The following SGTB variants were observed in gnomAD, a reference collection of about 807,000 sequenced individuals.
SGTB encodes the protein small glutamine rich tetratricopeptide repeat co-chaperone beta.
A neutral mutation model predicts 43.9 loss-of-function variants in SGTB; 19 were observed. The observed-to-expected ratio is 0.43, with a 90% CI of 0.30 to 0.63. The LOEUF is 0.63. Ranked by LOEUF, SGTB falls within the 30% of genes least tolerant of loss-of-function variation. SGTB has a pLI of 0.12. For synonymous variants in SGTB, 116 were observed against 117.3 expected (o/e 0.99, Z 0.07); for missense variants, 304 against 358.9 (o/e 0.85, Z 1.24).
chr5:65,686,265 C>A (rs921710483), intron 5 of SGTB, among the ~76,000 whole-genome samples: 6 of 152,196 alleles, frequency 3.9e-5, no homozygotes, highest in Admixed American at 2.6e-4. Context: ...GAATGCTATG[C>A]TGCACAGCAC....
At chr5:65,699,326 C>G (rs1330820390) in intron 5 of SGTB, among the ~76,000 whole-genome samples, 1 of 152,164 alleles carries the variant, frequency 6.6e-6, no homozygotes, top group Non-Finnish European at 1.5e-5. Context: ...TAAGTAGGAG[C>G]TAAGCTATTG....
intron 5 of SGTB, among the ~76,000 whole-genome samples, chr5:65,687,693 CAG>C (rs753315419): frequency 1.1e-4 from 16 of 152,230 alleles, no homozygotes; most frequent in Non-Finnish European, 2.2e-4. Flanking sequence ...GAGAACAGTT[CAG>C]AGAGAGAAGT....
intron 5 of SGTB, among the ~76,000 whole-genome samples, chr5:65,693,491 A>T (rs1757658520): frequency 6.6e-6 from 1 of 152,184 alleles, no homozygotes; most frequent in Admixed American, 6.5e-5. Context: ...TTCTGTGATG[A>T]ACATACATAT....
At chr5:65,681,239 A>G (rs193115353) in intron 6 of SGTB, among the ~76,000 whole-genome samples, 28 of 152,268 alleles carry the variant, frequency 1.8e-4, no homozygotes, top group African/African-American at 6.3e-4. Flanking sequence ...CTAACAGAGG[A>G]ACAATTAATA....
At chr5:65,704,734 G>A (rs757942044) in intron 4 of SGTB, among the ~76,000 whole-genome samples, 25 of 152,006 alleles carry the variant, frequency 1.6e-4, no homozygotes, top group Non-Finnish European at 3.2e-4. Context: ...GCCCCAGCCC[G>A]TTCCAGATGC....
At chr5:65,693,516 A>T (rs552109316) in intron 5 of SGTB, among the ~76,000 whole-genome samples, 6 of 152,310 alleles carry the variant, frequency 3.9e-5, no homozygotes, top group Non-Finnish European at 7.4e-5. Flanking sequence ...AGAGATGTTC[A>T]TCATACTATT....
chr5:65,722,526 G>A (rs1758338367), upstream of SGTB: 1 of 988,778 alleles, frequency 1.0e-6, no homozygotes, highest in Non-Finnish European at 1.5e-6. Context: ...CGACGCTCCC[G>A]GGACGCACCC....
chr5:65,720,081 CTTTTT>C (rs11312137), intron 2 of SGTB, among the ~76,000 whole-genome samples: 3 of 124,968 alleles, frequency 2.4e-5, no homozygotes, highest in Admixed American at 8.4e-5. Flanking sequence ...TTTTCTTTTT[CTTTTT>C]TTTTTTTTTT....
At chr5:65,720,968 TTTCTC>T (rs1233959118) in intron 1 of SGTB, 139 bp from the exon 2 acceptor site, 1 of 883,298 alleles carries the variant, frequency 1.1e-6, no homozygotes, top group African/African-American at 1.7e-5. Flanking sequence ...CCTTTCATCT[TTTCTC>T]TTTGTAAAGA....
intron 5 of SGTB, among the ~76,000 whole-genome samples, chr5:65,704,045 A>ATAAATAAATAAATAAAT (rs1554025694): frequency 8.0e-6 from 1 of 125,296 alleles, no homozygotes; most frequent in African/African-American, 3.0e-5. Flanking sequence ...CAAAAAAAAA[A>ATAAATAAATAAATAAAT]AAAAAAATAA....
At chr5:65,704,827 G>T (rs1037627027) in intron 4 of SGTB, among the ~76,000 whole-genome samples, 5 of 152,150 alleles carry the variant, frequency 3.3e-5, no homozygotes, top group Non-Finnish European at 7.3e-5. Flanking sequence ...TGATAATCAA[G>T]TTCTCAGAAC....
At chr5:65,719,629 C>T (rs1027872075) in intron 2 of SGTB, among the ~76,000 whole-genome samples, 2 of 151,978 alleles carry the variant, frequency 1.3e-5, no homozygotes, top group Non-Finnish European at 2.9e-5. Flanking sequence ...AGACTTTAGG[C>T]CACAGGGACA....
At chr5:65,704,432 C>T in intron 4 of SGTB, 54 bp from the exon 5 acceptor site, 1 of 1,320,832 alleles carries the variant, frequency 7.6e-7, no homozygotes. Context: ...TAAAAACATA[C>T]ACTCTTATAG....
chr5:65,679,086 AATCT>A (rs1757339619), intron 8 of SGTB, among the ~76,000 whole-genome samples: 1 of 152,218 alleles, frequency 6.6e-6, no homozygotes, highest in Admixed American at 6.5e-5. Context: ...ACATTTTTGC[AATCT>A]ATCTATCTGA....
At chr5:65,703,277 G>C (rs1757858006) in intron 5 of SGTB, among the ~76,000 whole-genome samples, 1 of 152,098 alleles carries the variant, frequency 6.6e-6, no homozygotes, top group Non-Finnish European at 1.5e-5. Flanking sequence ...CACAATGATA[G>C]GTGCTGGAAA....
At chr5:65,674,720 A>G (rs1257075091) in intron 8 of SGTB, among the ~76,000 whole-genome samples, 1 of 152,192 alleles carries the variant, frequency 6.6e-6, no homozygotes, top group Non-Finnish European at 1.5e-5. Context: ...ATTTTGGTAC[A>G]TAGCAGCTTG....
intron 5 of SGTB, among the ~76,000 whole-genome samples, chr5:65,691,848 G>A (rs1757616996): frequency 1.3e-5 from 2 of 150,862 alleles, no homozygotes; most frequent in Admixed American, 6.6e-5. Flanking sequence ...GGAGAATGGC[G>A]TGAACCCGGG....
chr5:65,686,029 AAAG>A (rs1242078247), intron 5 of SGTB, among the ~76,000 whole-genome samples: 2 of 152,234 alleles, frequency 1.3e-5, no homozygotes, highest in Non-Finnish European at 2.9e-5. Context: ...AACTTTGGAA[AAAG>A]AACACTTGCC....
chr5:65,681,086 A>G (rs1441948007), intron 6 of SGTB, among the ~76,000 whole-genome samples: 1 of 152,118 alleles, frequency 6.6e-6, no homozygotes, highest in East Asian at 1.9e-4. Flanking sequence ...ATGTAAAATA[A>G]TTTGCTTTAT....
Sources: gnomAD v4.1 joint callset for allele counts (sites outside exome capture counted in the v4.1 genomes callset) on GRCh38, gnomAD v4.1.1 for gene constraint, MANE v1.5 for transcripts, NCBI Gene and HGNC (gene_info 2026-07-23, HGNC 2026-07-21) for gene names.